Variants in MYOM2 observed in about 807,000 individuals in gnomAD.
The protein encoded by MYOM2 is myomesin-2.
In MYOM2, 254 loss-of-function variants were observed where a neutral mutation model predicts 187.6. The ratio of observed to expected loss-of-function variants is 1.35; its 90% CI spans 1.22 to 1.50. The LOEUF is 1.50. Among genes scored for constraint, MYOM2 ranks in the 40% most tolerant of loss-of-function variants. The pLI is 0.00. For synonymous variants in MYOM2, 981 were observed against 753.8 expected (o/e 1.30, Z -4.94); for missense variants, 2,796 against 1,924.0 (o/e 1.45, Z -8.48).
At chr8:2,089,113 C>G (rs185825810) in intron 14 of MYOM2, among the ~76,000 whole-genome samples, 1,071 of 45,258 alleles carry the variant, frequency 0.024, 7 homozygotes, top group Admixed American at 0.065. Context: ...GGGTTGCTAT[C>G]TGAATTTTCA....
At chr8:2,073,125 G>A (rs192793038) in intron 9 of MYOM2, among the ~76,000 whole-genome samples, 67 of 152,364 alleles carry the variant, frequency 4.4e-4, no homozygotes, top group Admixed American at 1.2e-3. Flanking sequence ...ACCCACTCAA[G>A]TGGCAGCCTG....
intron 1 of MYOM2, among the ~76,000 whole-genome samples, chr8:2,048,385 G>A (rs543172734): frequency 1.2e-4 from 18 of 152,358 alleles, no homozygotes; most frequent in Non-Finnish European, 1.9e-4. Context: ...AGCAGGAAGC[G>A]TTTCTTGAAG....
intron 31 of MYOM2, among the ~76,000 whole-genome samples, chr8:2,126,398 C>A (rs1190121476): frequency 6.6e-6 from 1 of 151,176 alleles, no homozygotes; most frequent in Non-Finnish European, 1.5e-5. Context: ...ACACAGCAGT[C>A]ACACACACAC....
At position 2,057,755 on chromosome 8, in the gene MYOM2, G is replaced by A; in HGVS notation, c.535G>A (p.Gly179Arg). ...MSVKLCFTVQ[G>R]FPTPVVQWYK... is the part of the protein sequence containing the mutation. ...TGTGAAACTCTGCTTCACCGTGCAA[G>A]GATTTCCCACGCCCGTGGTGCAGTG... Residue 179 changes from glycine (G) to arginine (R), a missense_variant, in exon 5 of 37, where the codon GGA (glycine) becomes AGA (arginine). Coordinates refer to ENST00000262113, the MANE Select transcript of MYOM2 (RefSeq NM_003970.4). 2 of 1,614,106 alleles carry A rather than the reference G, an allele frequency of 1.2e-6. No homozygotes were observed. The highest frequency in any genetic ancestry group is 8.5e-7 in the Non-Finnish European group (1 of 1,180,006).
In MYOM2 at chr8:2,092,505, C is replaced by T; in HGVS notation, c.1988C>T (p.Pro663Leu). The T allele has an allele frequency of 6.2e-7, 1 of 1,614,036 alleles. No individual in the cohort carries two copies. Among genetic ancestry groups the T allele is most frequent in the Non-Finnish European group, 8.5e-7 (1 of 1,180,000 alleles). Reference protein sequence around the residue: ...TNLWEPCNHKPIGYNRFVVHG... With the variant: ...TNLWEPCNHKLIGYNRFVVHG... ...CTCTGGGAGCCCTGCAACCACAAGC[C>T]CATCGGATACAACAGGTGCGGCCTC... The change falls in exon 16 of 37, where the codon CCC (proline) becomes CTC (leucine). Residue 663 changes from proline to leucine, a missense_variant. Physicochemically the swap from Pro to Leu is moderately conservative, Grantham distance 98. Coordinates refer to ENST00000262113, the MANE Select transcript of MYOM2 (RefSeq NM_003970.4).
At chr8:2,133,951 C>T (rs752964791) in intron 32 of MYOM2, among the ~76,000 whole-genome samples, 5 of 151,818 alleles carry the variant, frequency 3.3e-5, no homozygotes, top group Non-Finnish European at 7.4e-5. Context: ...CCACCCTCTT[C>T]CCCTGAGGTT....
At chr8:2,103,034 G>C (rs989158143) in intron 21 of MYOM2, among the ~76,000 whole-genome samples, 29 of 151,778 alleles carry the variant, frequency 1.9e-4, no homozygotes, top group African/African-American at 6.5e-4. Context: ...ATGGGTGTCT[G>C]AATAAATGAG....
At chr8:2,110,316 G>A (rs949539947) in intron 25 of MYOM2, among the ~76,000 whole-genome samples, 6 of 152,144 alleles carry the variant, frequency 3.9e-5, no homozygotes, top group Admixed American at 2.6e-4. Context: ...GCAAGGCTCT[G>A]TCTCAAAACA....
intron 10 of MYOM2, among the ~76,000 whole-genome samples, chr8:2,074,343 T>A (rs1397633750): frequency 6.6e-6 from 1 of 152,094 alleles, no homozygotes; most frequent in African/African-American, 2.4e-5. Context: ...GTAGAGAAGC[T>A]CAGATTTAAA....
At chr8:2,097,055 C>T in intron 18 of MYOM2, 6 of 921,450 alleles carry the variant, frequency 6.5e-6, no homozygotes, top group Non-Finnish European at 7.8e-6. Context: ...ACCCTCATCT[C>T]ACACTACAGC....
chr8:2,124,171 A>G lies in MYOM2; in HGVS notation c.3656-8A>G. The stretch of plus-strand genomic sequence containing the variant: ...GTCGTAATGGTGCGTATCCCTTCTC[A>G]TTTTCAGTGTATGATGATATGATTT... On this transcript the variant is annotated splice_region_variant and splice_polypyrimidine_tract_variant and intron_variant, in intron 30 of 36. Coordinates refer to ENST00000262113, the MANE Select transcript of MYOM2 (RefSeq NM_003970.4). The G allele has an allele frequency of 6.2e-7, 1 of 1,611,432 alleles. No homozygotes were observed. Among genetic ancestry groups the G allele is most frequent in the Non-Finnish European group, 8.5e-7 (1 of 1,178,558 alleles).
intron 20 of MYOM2, among the ~76,000 whole-genome samples, chr8:2,101,606 A>G (rs532837315): frequency 6.6e-6 from 1 of 152,080 alleles, no homozygotes; most frequent in African/African-American, 2.4e-5. Flanking sequence ...TCACACCAAC[A>G]TGCTGTTTGC....
intron 32 of MYOM2, among the ~76,000 whole-genome samples, chr8:2,135,553 G>A (rs913611090): frequency 8.6e-5 from 13 of 151,970 alleles, no homozygotes; most frequent in Non-Finnish European, 1.2e-4. Context: ...TACCTACCCC[G>A]TCACAGTTGA....
intron 16 of MYOM2, 37 bp from the exon 17 acceptor site, chr8:2,093,933 G>T (rs1796392123): frequency 6.3e-7 from 1 of 1,599,770 alleles, no homozygotes; most frequent in Admixed American, 1.7e-5. Flanking sequence ...AAAAAGTGGA[G>T]CCTGGCAGTT....
intron 35 of MYOM2, among the ~76,000 whole-genome samples, chr8:2,143,194 G>A (rs1296882098): frequency 6.6e-6 from 1 of 152,076 alleles, no homozygotes; most frequent in Non-Finnish European, 1.5e-5. Context: ...CCCCTTCACA[G>A]AGTCTGTTAT....
intron 21 of MYOM2, among the ~76,000 whole-genome samples, chr8:2,104,622 A>T (rs959749317): frequency 3.3e-5 from 5 of 152,000 alleles, no homozygotes; most frequent in African/African-American, 9.6e-5. Context: ...AAAAAGAAAA[A>T]AAAAGTTTAT....
At chr8:2,123,168 C>T in intron 28 of MYOM2, 84 bp from the exon 29 acceptor site, 1 of 888,876 alleles carries the variant, frequency 1.1e-6, no homozygotes, top group Non-Finnish European at 1.7e-6. Context: ...GGGGGGGGCT[C>T]TGTGATTTAA....
At chr8:2,070,209 T>A (rs918038806) in intron 8 of MYOM2, among the ~76,000 whole-genome samples, 1 of 152,200 alleles carries the variant, frequency 6.6e-6, no homozygotes, top group South Asian at 2.1e-4. Context: ...GGAGTGAGTT[T>A]TAGAATTGGC....
chr8:2,129,248 G>A lies in MYOM2; in HGVS notation c.3800+16G>A, dbSNP rs1797767638. The A allele has an allele frequency of 1.3e-6, 2 of 1,557,228 alleles. No individual in the cohort carries two copies. Among genetic ancestry groups the A allele is most frequent in the Non-Finnish European group, 1.8e-6 (2 of 1,129,218 alleles). On this transcript the variant is annotated intron_variant, in intron 32 of 36. Transcript: ENST00000262113. ...GGTGTCACAAGTAAGTATGACAGCA[G>A]CCGATGGAGGCCATGCCATAGATGG...
Sources: gnomAD v4.1 joint callset for allele counts (sites outside exome capture counted in the v4.1 genomes callset) on GRCh38, gnomAD v4.1.1 for gene constraint, MANE v1.5 for transcripts, NCBI Gene and HGNC (gene_info 2026-07-23, HGNC 2026-07-21) for gene names.